Variants in FAM241A observed in about 807,000 individuals in gnomAD.
The protein encoded by FAM241A is uncharacterized protein FAM241A.
Under a neutral mutation model 12.2 loss-of-function variants are expected in FAM241A, and 7 were observed. That is an observed-to-expected ratio of 0.58 (90% confidence interval 0.33 to 1.08). FAM241A has a LOEUF of 1.08. Ranked by LOEUF, FAM241A falls within the 50% of genes least tolerant of loss-of-function variation. The pLI is 0.04. For missense variants in FAM241A, 161 were observed against 169.7 expected (o/e 0.95, Z 0.29); for synonymous variants, 74 against 68.2 (o/e 1.08, Z -0.42).
intron 1 of FAM241A, among the ~76,000 whole-genome samples, chr4:112,146,753 G>A (rs1261363581): frequency 2.0e-5 from 3 of 152,186 alleles, no homozygotes; most frequent in Admixed American, 1.3e-4. Flanking sequence ...ACCTTACATT[G>A]TTTCAATAGG....
intron 1 of FAM241A, among the ~76,000 whole-genome samples, chr4:112,185,580 A>G (rs977007362): frequency 3.9e-5 from 6 of 152,180 alleles, no homozygotes; most frequent in African/African-American, 1.4e-4. Flanking sequence ...GACTTACTGA[A>G]ACTGAGAAGC....
At chr4:112,172,656 A>T (rs1157979621) in intron 1 of FAM241A, among the ~76,000 whole-genome samples, 1 of 152,184 alleles carries the variant, frequency 6.6e-6, no homozygotes, top group Non-Finnish European at 1.5e-5. Context: ...TTTGTTTATA[A>T]ATGTTAACCT....
At chr4:112,168,313 A>G (rs990921947) in intron 1 of FAM241A, among the ~76,000 whole-genome samples, 2 of 152,200 alleles carry the variant, frequency 1.3e-5, no homozygotes, top group Non-Finnish European at 2.9e-5. Flanking sequence ...AAGCAATTAA[A>G]CTTTTTTTCC....
intron 1 of FAM241A, among the ~76,000 whole-genome samples, chr4:112,148,109 C>T (rs1245434345): frequency 6.6e-6 from 1 of 152,004 alleles, no homozygotes; most frequent in East Asian, 1.9e-4. Flanking sequence ...TATTAAGTCC[C>T]TTTCTATTTC....
chr4:112,151,487 G>A (rs978762777), intron 1 of FAM241A, among the ~76,000 whole-genome samples: 3 of 152,112 alleles, frequency 2.0e-5, no homozygotes, highest in African/African-American at 4.8e-5. Flanking sequence ...CTCAACTTCA[G>A]TGTGCATAGG....
At chr4:112,165,729 A>G (rs1032156055) in intron 1 of FAM241A, among the ~76,000 whole-genome samples, 1 of 152,116 alleles carries the variant, frequency 6.6e-6, no homozygotes, top group African/African-American at 2.4e-5. Flanking sequence ...ATGAAGGTAG[A>G]GAGTAGAAGG....
intron 1 of FAM241A, among the ~76,000 whole-genome samples, chr4:112,163,219 T>C (rs1225786644): frequency 1.3e-5 from 2 of 152,170 alleles, no homozygotes; most frequent in Non-Finnish European, 2.9e-5. Context: ...GAAGAAAACC[T>C]AGGTAATACC....
At position 112,192,759 on chromosome 4, in the gene FAM241A, G is replaced by T. The variant is rs28851880; in HGVS notation, c.*5821G>T. ...TCCAGTCTATCATTGTTGGACATTTGGGTTGGTTCCAAGTCTTTGCTATTG... is the reference window on the plus strand; with the variant it reads ...TCCAGTCTATCATTGTTGGACATTTTGGTTGGTTCCAAGTCTTTGCTATTG... On this transcript the variant is annotated 3_prime_UTR_variant, in exon 2 of 2. Coordinates refer to ENST00000309733, the MANE Select transcript of FAM241A (RefSeq NM_152400.3). The T allele has an allele frequency of 2.2e-3, 322 of 149,696 alleles. 3 individuals are homozygous for T. Among genetic ancestry groups the T allele is most frequent in the African/African-American group, 7.8e-3 (315 of 40,518 alleles). The allele number at this position is 149,696 out of a possible 1,614,324, so 9.3% of individuals were successfully genotyped here. A position where few individuals can be genotyped will look rare whatever the true frequency, so the allele number is the denominator to read the frequency against.
intron 1 of FAM241A, among the ~76,000 whole-genome samples, chr4:112,180,385 GAAAT>G (rs1255579417): frequency 6.6e-6 from 1 of 152,028 alleles, no homozygotes; most frequent in Non-Finnish European, 1.5e-5. Context: ...AAGAGCTAAA[GAAAT>G]AATTTAAAAT....
At chr4:112,157,797 A>G (rs949213774) in intron 1 of FAM241A, among the ~76,000 whole-genome samples, 1 of 152,078 alleles carries the variant, frequency 6.6e-6, no homozygotes, top group Non-Finnish European at 1.5e-5. Context: ...ACCTATGTCT[A>G]GTTTTTATTT....
chr4:112,174,676 G>A (rs1244897464), intron 1 of FAM241A, among the ~76,000 whole-genome samples: 10 of 152,174 alleles, frequency 6.6e-5, no homozygotes. Flanking sequence ...TGGGATCAAA[G>A]TCAACTGTGA....
intron 1 of FAM241A, among the ~76,000 whole-genome samples, chr4:112,159,860 C>T (rs1723424631): frequency 6.6e-6 from 1 of 152,156 alleles, no homozygotes; most frequent in Admixed American, 6.5e-5. Flanking sequence ...CCTCTAAGAT[C>T]TAGAACATGA....
At chr4:112,153,719 A>G (rs1723294107) in intron 1 of FAM241A, among the ~76,000 whole-genome samples, 1 of 152,192 alleles carries the variant, frequency 6.6e-6, no homozygotes, top group Admixed American at 6.5e-5. Context: ...GCATAGGAAG[A>G]GGAAGTGATT....
At chr4:112,166,049 T>A (rs1376846637) in intron 1 of FAM241A, among the ~76,000 whole-genome samples, 2 of 149,966 alleles carry the variant, frequency 1.3e-5, no homozygotes, top group African/African-American at 4.9e-5. Flanking sequence ...ACTCAGAATT[T>A]TTTTTTTTTT....
rs901911288 is a variant in FAM241A, at chr4:112,173,687, A to C, written c.154-13006A>C. Among the ~76,000 whole-genome samples, 14 of 152,336 alleles carry C rather than the reference A, an allele frequency of 9.2e-5. No individual in the cohort carries two copies. In the South Asian group the frequency reaches 2.3e-3, roughly 25 times the overall value. On this transcript the variant is annotated intron_variant, in intron 1 of 1. Coordinates refer to ENST00000309733, the MANE Select transcript of FAM241A (RefSeq NM_152400.3). The stretch of plus-strand genomic sequence containing the variant: ...ACTTTTATACTGAGAGTTTGATCAC[A>C]GTACATGTGAAGAATAATAAACACT...
rs529223689 is a variant in FAM241A, at chr4:112,170,038, G to A, written c.154-16655G>A. On this transcript the variant is annotated intron_variant, in intron 1 of 1. Transcript: ENST00000309733. ...AGTGGAACAAAATTCCAGTTTTTTG[G>A]CGAGAAAATATTTTTTAGTCTAAAA... 8.5e-5 allele frequency among the ~76,000 whole-genome samples: 13 copies of A among 152,202 alleles called. 1 individual carries two copies. The South Asian group carries it at 2.7e-3, about 32-fold the overall frequency.
At chr4:112,184,762 C>A (rs1482992423) in intron 1 of FAM241A, among the ~76,000 whole-genome samples, 1 of 151,848 alleles carries the variant, frequency 6.6e-6, no homozygotes, top group African/African-American at 2.4e-5. Flanking sequence ...TTTTTTTTCA[C>A]TCTTCCCTTA....
At chr4:112,163,926 A>G (rs921208274) in intron 1 of FAM241A, among the ~76,000 whole-genome samples, 1 of 152,254 alleles carries the variant, frequency 6.6e-6, no homozygotes, top group Admixed American at 6.5e-5. Context: ...ATGGAATACT[A>G]TGCAGCCATA....
At chr4:112,179,941 A>ATG (rs1426076242) in intron 1 of FAM241A, among the ~76,000 whole-genome samples, 82 of 124,428 alleles carry the variant, frequency 6.6e-4, no homozygotes, top group African/African-American at 1.9e-3. Flanking sequence ...ATATATATGT[A>ATG]TATGTGTGTG....
Sources: allele counts gnomAD v4.1 joint callset (sites outside exome capture counted in the v4.1 genomes callset), GRCh38; gene constraint gnomAD v4.1.1; transcripts MANE v1.5; gene names NCBI Gene and HGNC (gene_info 2026-07-23, HGNC 2026-07-21).